IL1RAPL2: variants seen among roughly 807,000 people sequenced by gnomAD.
IL1RAPL2 encodes interleukin 1 receptor accessory protein like 2, also known as X-linked interleukin-1 receptor accessory protein-like 2.
A neutral mutation model predicts 44.1 loss-of-function variants in IL1RAPL2; 3 were observed. The ratio of observed to expected loss-of-function variants is 0.07; its 90% confidence interval spans 0.03 to 0.18. The LOEUF is 0.18. Ranked by LOEUF, IL1RAPL2 falls within the 10% of genes least tolerant of loss-of-function variation. The pLI is 1.00. For missense variants in IL1RAPL2, 391 were observed against 496.4 expected (o/e 0.79, Z 2.02); for synonymous variants, 181 against 178.8 (o/e 1.01, Z -0.10).
chrX:104,850,515 ATCTGAG>A (rs1922197436), intron 2 of IL1RAPL2, among the ~76,000 whole-genome samples: 1 of 111,645 alleles, frequency 9.0e-6, no homozygotes, highest in Non-Finnish European at 1.9e-5. Flanking sequence ...GATCTATTTG[ATCTGAG>A]TCTTTCATAA....
At chrX:105,378,400 T>C (rs987221342) in intron 5 of IL1RAPL2, among the ~76,000 whole-genome samples, 1 of 112,024 alleles carries the variant, frequency 8.9e-6, no homozygotes. Flanking sequence ...TAAGGACTTA[T>C]GAAAGATGGA....
At chrX:104,688,060 T>C (rs1364527799) in intron 2 of IL1RAPL2, among the ~76,000 whole-genome samples, 1 of 112,145 alleles carries the variant, frequency 8.9e-6, no homozygotes, top group Non-Finnish European at 1.9e-5. Context: ...ACCTGAACCA[T>C]GCCCATCTCT....
intron 3 of IL1RAPL2, among the ~76,000 whole-genome samples, chrX:105,229,192 G>A (rs782809001): frequency 1.2e-4 from 13 of 111,986 alleles, no homozygotes; most frequent in Admixed American, 2.9e-4. Flanking sequence ...ATTTTAAATA[G>A]AACCAGCCTG....
chrX:105,094,722 A>AT, intron 2 of IL1RAPL2, among the ~76,000 whole-genome samples: 1 of 111,515 alleles, frequency 9.0e-6, no homozygotes, highest in East Asian at 2.8e-4. Flanking sequence ...GCAAAAAAAA[A>AT]GGCAGTTGGA....
At chrX:105,006,416 T>G (rs1289999405) in intron 2 of IL1RAPL2, among the ~76,000 whole-genome samples, 2 of 110,701 alleles carry the variant, frequency 1.8e-5, no homozygotes, top group Non-Finnish European at 3.8e-5. Flanking sequence ...AGATATAATA[T>G]ATATATTACT....
intron 2 of IL1RAPL2, among the ~76,000 whole-genome samples, chrX:105,075,030 T>G (rs1408701874): frequency 6.3e-5 from 7 of 111,414 alleles, no homozygotes; most frequent in African/African-American, 2.3e-4. Context: ...GAATGCCCTT[T>G]ATTTCCTTCT....
chrX:105,698,342 ATGTTTT>A, intron 6 of IL1RAPL2, among the ~76,000 whole-genome samples: 1 of 111,824 alleles, frequency 8.9e-6, no homozygotes, highest in South Asian at 3.7e-4. Context: ...ATCTGACTAT[ATGTTTT>A]TGTAAAGCTT....
At chrX:104,822,518 T>C (rs1003764883) in intron 2 of IL1RAPL2, among the ~76,000 whole-genome samples, 4 of 111,960 alleles carry the variant, frequency 3.6e-5, no homozygotes, top group African/African-American at 1.3e-4. Flanking sequence ...CCTCTCCCCA[T>C]TGCTTGTTTT....
At chrX:105,668,510 C>T (rs773859477) in intron 6 of IL1RAPL2, among the ~76,000 whole-genome samples, 3 of 112,599 alleles carry the variant, frequency 2.7e-5, no homozygotes, top group Admixed American at 9.4e-5. Flanking sequence ...GTAATATGAC[C>T]TTTGGGAGCC....
Position 105,286,156 on chromosome X carries a change from C to T in IL1RAPL2, c.697+18615C>T, listed in dbSNP as rs1336589166. On this transcript the variant is annotated intron_variant, in intron 5 of 10. Coordinates refer to ENST00000372582, the MANE Select transcript of IL1RAPL2 (RefSeq NM_017416.2). ...CTGAGAAAATAACTCCAGCAGTCTC[C>T]CTTGCTTGAAAGGAAATACGATGGA... 7.2e-5 allele frequency among the ~76,000 whole-genome samples: 8 copies of T among 111,109 alleles called. No homozygotes were observed. In the East Asian group the frequency reaches 2.3e-3, roughly 32 times the overall value.
At chrX:104,809,217 CT>C (rs1234494191) in intron 2 of IL1RAPL2, among the ~76,000 whole-genome samples, 2 of 111,872 alleles carry the variant, frequency 1.8e-5, no homozygotes, top group Admixed American at 9.5e-5. Context: ...TAACATCAAC[CT>C]TAGCCACATG....
chrX:104,825,764 C>T (rs1245484338), intron 2 of IL1RAPL2, among the ~76,000 whole-genome samples: 18 of 111,736 alleles, frequency 1.6e-4, no homozygotes, highest in African/African-American at 5.5e-4. Context: ...CATAACAAAC[C>T]ACCTGAAACC....
At chrX:105,019,665 C>G (rs941995786) in intron 2 of IL1RAPL2, among the ~76,000 whole-genome samples, 1 of 111,591 alleles carries the variant, frequency 9.0e-6, no homozygotes, top group Non-Finnish European at 1.9e-5. Context: ...AAAAATTGAG[C>G]TAGAAATAAA....
At chrX:105,506,597 C>T (rs989897700) in intron 6 of IL1RAPL2, among the ~76,000 whole-genome samples, 2 of 111,519 alleles carry the variant, frequency 1.8e-5, no homozygotes, top group Non-Finnish European at 3.8e-5. Context: ...AAGTGAGTCA[C>T]AGTACCAGCC....
intron 2 of IL1RAPL2, among the ~76,000 whole-genome samples, chrX:104,997,059 T>C (rs2030761844): frequency 9.0e-6 from 1 of 111,294 alleles, no homozygotes; most frequent in Non-Finnish European, 1.9e-5. Flanking sequence ...AGGAGTCAGT[T>C]CATGTGTAGT....
chrX:105,622,091 A>G (rs2037422531), intron 6 of IL1RAPL2, among the ~76,000 whole-genome samples: 1 of 110,155 alleles, frequency 9.1e-6, no homozygotes, highest in Non-Finnish European at 1.9e-5. Flanking sequence ...CCAGATTGGA[A>G]GATGCCATTT....
chrX:105,574,646 G>C (rs2037038360), intron 6 of IL1RAPL2, among the ~76,000 whole-genome samples: 1 of 112,177 alleles, frequency 8.9e-6, no homozygotes, highest in Non-Finnish European at 1.9e-5. Flanking sequence ...TGGAGGTCCA[G>C]TGGGAAGCTA....
rs965617177 is a variant in IL1RAPL2, at chrX:105,312,281, C to T, written c.697+44740C>T. ...CACAATTAGCTGAAGCAGCAAGATG[C>T]AGCCTATTCTCTTTTATTGGAAGTG... On this transcript the variant is annotated intron_variant, in intron 5 of 10. Coordinates refer to ENST00000372582, the MANE Select transcript of IL1RAPL2 (RefSeq NM_017416.2). Among the ~76,000 whole-genome samples the T allele has an allele frequency of 4.5e-5, 5 of 111,972 alleles. No individual in the cohort carries two copies. The East Asian group carries it at 1.4e-3, about 31-fold the overall frequency.
At chrX:105,281,431 A>T (rs1161211983) in intron 5 of IL1RAPL2, among the ~76,000 whole-genome samples, 2 of 112,474 alleles carry the variant, frequency 1.8e-5, no homozygotes, top group African/African-American at 3.2e-5. Flanking sequence ...ATCATAAAAA[A>T]ATACTTAGTA....
Sources: allele counts gnomAD v4.1 joint callset (sites outside exome capture counted in the v4.1 genomes callset), GRCh38; gene constraint gnomAD v4.1.1; transcripts MANE v1.5; gene names NCBI Gene and HGNC (gene_info 2026-07-23, HGNC 2026-07-21).